Variants in RAB21 observed in about 807,000 individuals in gnomAD.
RAB21 encodes the protein RAB21, member RAS oncogene family, also known as ras-related protein Rab-21.
RAB21 carries 13 observed loss-of-function variants against 33.1 expected under a neutral mutation model. The ratio of observed to expected loss-of-function variants is 0.39; its 90% CI spans 0.26 to 0.62. The LOEUF (loss-of-function observed/expected upper bound fraction) is 0.62, where lower values mean the gene tolerates loss of function less well. Among genes scored for constraint, RAB21 ranks in the 20% least tolerant of loss-of-function variants. RAB21 has a pLI of 0.48. For synonymous variants in RAB21, 91 were observed against 103.7 expected (o/e 0.88, Z 0.74); for missense variants, 234 against 279.1 (o/e 0.84, Z 1.15).
intron 3 of RAB21, among the ~76,000 whole-genome samples, chr12:71,771,834 G>T (rs1883047113): frequency 2.0e-5 from 3 of 151,934 alleles, no homozygotes. Flanking sequence ...AAATTAGCTG[G>T]GTTTGGTGGC....
chr12:71,767,951 G>A lies in RAB21; in HGVS notation c.160-1849G>A, dbSNP rs1027335506. ...AATTACACAGCTAGTATGTGGCAAA[G>A]CTGAGATTCAAATCCACAGGTTCTG... On this transcript the variant is annotated intron_variant, in intron 1 of 6. Coordinates refer to ENST00000261263, the MANE Select transcript of RAB21 (RefSeq NM_014999.4). 1.2e-4 allele frequency among the ~76,000 whole-genome samples: 19 copies of A among 152,108 alleles called. 1 individual carries two copies. Among genetic ancestry groups the A allele is most frequent in the Non-Finnish European group, 1.5e-5 (1 of 67,998 alleles).
At chr12:71,775,135 G>T (rs1592647638) in intron 4 of RAB21, among the ~76,000 whole-genome samples, 1 of 152,108 alleles carries the variant, frequency 6.6e-6, no homozygotes, top group African/African-American at 2.4e-5. Flanking sequence ...TTTCTCTTTG[G>T]TTCCCTTTTT....
rs934683894 is a variant in RAB21, at chr12:71,794,745, T to C, written c.*9072T>C. The C allele has an allele frequency of 6.8e-6, 1 of 146,598 alleles. No individual in the cohort carries two copies. The highest frequency in any genetic ancestry group is 2.5e-5 in the African/African-American group (1 of 40,386). 9.1% of individuals were successfully genotyped at this position (146,598 alleles called of 1,614,324 possible). A position where few individuals can be genotyped will look rare whatever the true frequency, so the allele number is the denominator to read the frequency against. ...GAGCCACCGAGCCCAGCTATATTTA[T>C]AAATTTATATATATTTCATATATAT... On this transcript the variant is annotated 3_prime_UTR_variant, in exon 7 of 7. Coordinates refer to ENST00000261263, the MANE Select transcript of RAB21 (RefSeq NM_014999.4).
intron 1 of RAB21, among the ~76,000 whole-genome samples, chr12:71,763,726 A>T (rs566934819): frequency 6.6e-6 from 1 of 152,340 alleles, no homozygotes; most frequent in African/African-American, 2.4e-5. Context: ...CATAACTTAC[A>T]TGGATCCTTG....
At chr12:71,759,241 T>C (rs975720413) in intron 1 of RAB21, among the ~76,000 whole-genome samples, 4 of 152,248 alleles carry the variant, frequency 2.6e-5, no homozygotes, top group African/African-American at 7.2e-5. Flanking sequence ...GGCCAGGTAC[T>C]GGGTTGGGTC....
In RAB21 at chr12:71,792,893, A is replaced by T. The variant is rs1441705737; in HGVS notation, c.*7220A>T. On this transcript the variant is annotated 3_prime_UTR_variant, in exon 7 of 7. Transcript: ENST00000261263. The stretch of plus-strand genomic sequence containing the variant: ...ACATTCTGTGTTTGATCAGATATGT[A>T]CCTGCCAAACTTTTGGAGTGAGATA... 1 of 152,262 alleles carries T rather than the reference A, an allele frequency of 6.6e-6. No individual in the cohort carries two copies. Among genetic ancestry groups the T allele is most frequent in the East Asian group, 1.9e-4 (1 of 5,200 alleles). 9.4% of individuals were successfully genotyped at this position (152,262 alleles called of 1,614,324 possible).
chr12:71,755,854 C>G (rs990757326), intron 1 of RAB21, among the ~76,000 whole-genome samples: 13 of 152,126 alleles, frequency 8.5e-5, no homozygotes, highest in Non-Finnish European at 1.5e-4. Flanking sequence ...GTCTGACTTG[C>G]GGGTCACTCA....
rs186831924 is a variant in RAB21 at position 71,770,283 on chromosome 12, A to G, written c.220-309A>G. On this transcript the variant is annotated intron_variant, in intron 2 of 6. Transcript: ENST00000261263. Reference sequence around the variant, plus strand: ...GGGCAGAGCCTATTCCTGGCTTATAATACTGTGTTGGTTGTTTTGACCCTC... The same window carrying G: ...GGGCAGAGCCTATTCCTGGCTTATAGTACTGTGTTGGTTGTTTTGACCCTC... Among the ~76,000 whole-genome samples the G allele has an allele frequency of 1.6e-4, 24 of 152,244 alleles. No homozygotes were observed. In the East Asian group the frequency reaches 3.1e-3, roughly 20 times the overall value.
intron 4 of RAB21, among the ~76,000 whole-genome samples, chr12:71,775,234 T>C (rs1344305362): frequency 6.6e-6 from 1 of 152,236 alleles, no homozygotes; most frequent in African/African-American, 2.4e-5. Context: ...CATTATCTCA[T>C]GTAATCCTCA....
At chr12:71,756,495 T>C (rs906391340) in intron 1 of RAB21, among the ~76,000 whole-genome samples, 2 of 152,214 alleles carry the variant, frequency 1.3e-5, no homozygotes, top group African/African-American at 2.4e-5. Context: ...TTGATGCTAT[T>C]ATTAAACTAC....
At chr12:71,780,400 G>C (rs969808422) in intron 4 of RAB21, among the ~76,000 whole-genome samples, 1 of 152,166 alleles carries the variant, frequency 6.6e-6, no homozygotes, top group Non-Finnish European at 1.5e-5. Context: ...GGAGCCACTG[G>C]CCACCAGGTG....
rs328751 is a variant in RAB21, at chr12:71,792,265, C to T, written c.*6592C>T. On this transcript the variant is annotated 3_prime_UTR_variant, in exon 7 of 7. Coordinates refer to ENST00000261263, the MANE Select transcript of RAB21 (RefSeq NM_014999.4). The stretch of plus-strand genomic sequence containing the variant: ...ACTGGACTTTTGAGATGTAAGTTTA[C>T]CATACATCAAGCTTAAAAACTTGTA... The T allele has an allele frequency of 0.28, 43,229 of 152,044 alleles. 8,374 individuals are homozygous for T. The highest frequency in any genetic ancestry group is 0.52 in the African/African-American group (21,370 of 41,438). 9.4% of individuals were successfully genotyped at this position (152,044 alleles called of 1,614,324 possible).
At chr12:71,766,839 T>C (rs1230658538) in intron 1 of RAB21, among the ~76,000 whole-genome samples, 1 of 152,094 alleles carries the variant, frequency 6.6e-6, no homozygotes, top group Non-Finnish European at 1.5e-5. Context: ...AAAAAAGCCA[T>C]ATAAGTTGGA....
At chr12:71,756,852 C>T (rs1439341360) in intron 1 of RAB21, among the ~76,000 whole-genome samples, 1 of 152,098 alleles carries the variant, frequency 6.6e-6, no homozygotes, top group African/African-American at 2.4e-5. Flanking sequence ...TGCTTTAATT[C>T]TTATAACACC....
At chr12:71,777,215 C>G (rs1039116610) in intron 4 of RAB21, among the ~76,000 whole-genome samples, 1 of 152,158 alleles carries the variant, frequency 6.6e-6, no homozygotes, top group East Asian at 1.9e-4. Context: ...TTGTTTTCCC[C>G]TCACCATTCC....
At chr12:71,776,515 G>A (rs1303587492) in intron 4 of RAB21, among the ~76,000 whole-genome samples, 5 of 151,948 alleles carry the variant, frequency 3.3e-5, no homozygotes, top group Non-Finnish European at 5.9e-5. Context: ...GGATCTGGTA[G>A]CCTATTGCCT....
At chr12:71,767,060 A>G (rs1327442844) in intron 1 of RAB21, among the ~76,000 whole-genome samples, 1 of 152,196 alleles carries the variant, frequency 6.6e-6, no homozygotes, top group Non-Finnish European at 1.5e-5. Flanking sequence ...GTTAGCTAGT[A>G]TTAGCAGCAG....
At chr12:71,759,059 G>A (rs904454235) in intron 1 of RAB21, among the ~76,000 whole-genome samples, 1 of 152,160 alleles carries the variant, frequency 6.6e-6, no homozygotes, top group Admixed American at 6.5e-5. Context: ...GGCATTATTT[G>A]TATCTCTCAG....
rs1379129181 is a variant in RAB21, at chr12:71,786,647, A to G, written c.*974A>G. 2 of 152,768 alleles carry G rather than the reference A, an allele frequency of 1.3e-5. No individual in the cohort carries two copies. The highest frequency in any genetic ancestry group is 3.9e-4 in the East Asian group (2 of 5,190). The allele number at this position is 152,768 out of a possible 1,614,324, so 9.5% of individuals were successfully genotyped here. ...CTGTAAAGTGAATTAACATTTGGTGATTATGCCTAGCTTTTTTGACTAATA... is the reference window on the plus strand; with the variant it reads ...CTGTAAAGTGAATTAACATTTGGTGGTTATGCCTAGCTTTTTTGACTAATA... On this transcript the variant is annotated 3_prime_UTR_variant, in exon 7 of 7. Transcript: ENST00000261263.
Sources: gnomAD v4.1 joint callset for allele counts (sites outside exome capture counted in the v4.1 genomes callset) on GRCh38, gnomAD v4.1.1 for gene constraint, MANE v1.5 for transcripts, NCBI Gene and HGNC (gene_info 2026-07-23, HGNC 2026-07-21) for gene names.